ULK4: variants seen among roughly 807,000 people sequenced by gnomAD.
The protein encoded by ULK4 is inactive serine/threonine-protein kinase ULK4.
In ULK4, 133 loss-of-function variants were observed where a neutral mutation model predicts 160.6. The ratio of observed to expected loss-of-function variants is 0.83; its 90% CI spans 0.72 to 0.96. ULK4 has a LOEUF of 0.96. Ranked by LOEUF, ULK4 falls within the 40% of genes least tolerant of loss-of-function variation. The probability of loss-of-function intolerance (pLI) is 0.00; values close to 1 mark genes in which losing one functional copy is unlikely to be tolerated. For synonymous variants in ULK4, 534 were observed against 539.8 expected, an observed-to-expected ratio of 0.99 and a Z score of 0.15; for missense variants, 1,580 against 1,499.5, an observed-to-expected ratio of 1.05 and a Z score of -0.89.
chr3:41,781,506 A>G (rs1362550420), intron 21 of ULK4, among the ~76,000 whole-genome samples: 2 of 152,102 alleles, frequency 1.3e-5, no homozygotes, highest in African/African-American at 2.4e-5. Context: ...CTTTGTGAAT[A>G]TATTTACTTT....
At chr3:41,851,578 G>C (rs976432502) in intron 17 of ULK4, among the ~76,000 whole-genome samples, 20 of 152,142 alleles carry the variant, frequency 1.3e-4, no homozygotes, top group Non-Finnish European at 2.1e-4. Context: ...GTATCAGGAT[G>C]ATGCTGGCCT....
chr3:41,562,055 G>A (rs894854261), intron 32 of ULK4, among the ~76,000 whole-genome samples: 31 of 152,154 alleles, frequency 2.0e-4, no homozygotes, highest in Admixed American at 1.6e-3. Context: ...ATTCTGGTAC[G>A]TTGTGTCTTT....
chr3:41,939,230 G>A (rs951935335), intron 2 of ULK4, among the ~76,000 whole-genome samples: 2 of 150,030 alleles, frequency 1.3e-5, no homozygotes, highest in African/African-American at 2.5e-5. Context: ...GTGCAATCTC[G>A]GCTCACTGCA....
intron 34 of ULK4, among the ~76,000 whole-genome samples, chr3:41,419,749 C>T (rs2082616648): frequency 1.3e-5 from 2 of 152,050 alleles, no homozygotes; most frequent in South Asian, 2.1e-4. Context: ...TGCTGGGCTG[C>T]TTGTTCTCTG....
intron 19 of ULK4, among the ~76,000 whole-genome samples, chr3:41,810,623 C>T (rs751315021): frequency 5.3e-5 from 8 of 151,822 alleles, no homozygotes; most frequent in Admixed American, 4.6e-4. Flanking sequence ...AAGACAAGCC[C>T]GGGCAACTTA....
intron 27 of ULK4, among the ~76,000 whole-genome samples, chr3:41,686,605 A>T (rs1331323350): frequency 6.6e-6 from 1 of 152,226 alleles, no homozygotes; most frequent in Admixed American, 6.5e-5. Context: ...ATAAGAAAAT[A>T]ACTTGAAATT....
At chr3:41,850,950 T>C (rs1284182258) in intron 17 of ULK4, among the ~76,000 whole-genome samples, 4 of 152,226 alleles carry the variant, frequency 2.6e-5, no homozygotes, top group Non-Finnish European at 2.9e-5. Flanking sequence ...AGGTCTAATG[T>C]TTAAGTCTTT....
In ULK4 at chr3:41,463,103, A is replaced by T; in HGVS notation, c.3377T>A (p.Val1126Glu). 2 of 1,613,580 alleles carry T rather than the reference A, an allele frequency of 1.2e-6. No homozygotes were observed. Among genetic ancestry groups the T allele is most frequent in the African/African-American group, 2.7e-5 (2 of 75,034 alleles). Residue 1126 changes from valine to glutamate, a missense_variant, in exon 33 of 37, where the codon GTA becomes GAA. Val to Glu is a moderately radical substitution (Grantham distance 121, BLOSUM62 -2). Coordinates refer to ENST00000301831, the MANE Select transcript of ULK4 (RefSeq NM_017886.4). Reference protein sequence around the residue: ...HSMLTYTSGIVRLALQAQKSG... With the variant: ...HSMLTYTSGIERLALQAQKSG... ...ATCCTCTACCTGCAAAGCCAGCCGT[A>T]CAATACCGGAGGTATAGGTCAGCAT... is the stretch of plus-strand genomic sequence containing the variant.
chr3:41,437,508 T>C (rs2083062403), intron 34 of ULK4, among the ~76,000 whole-genome samples: 1 of 152,208 alleles, frequency 6.6e-6, no homozygotes. Context: ...TCCACCCTGC[T>C]CTGCTTTTGT....
At chr3:41,322,209 T>C (rs2080260181) in intron 35 of ULK4, among the ~76,000 whole-genome samples, 1 of 142,666 alleles carries the variant, frequency 7.0e-6, no homozygotes, top group Admixed American at 7.1e-5. Flanking sequence ...TTTTTGTAAT[T>C]TTAGTAGAGA....
rs367710196 is a variant in ULK4 at position 41,493,467 on chromosome 3, G to A, written c.3227-30214C>T. The stretch of plus-strand genomic sequence containing the variant: ...AATTTATAGCACTAAATGCCCACAA[G>A]AGAAAGCAAGAAAGATCCAAAATTG... On this transcript the variant is annotated intron_variant, in intron 32 of 36. Transcript: ENST00000301831. Among the ~76,000 whole-genome samples the A allele has an allele frequency of 5.3e-3, 677 of 128,522 alleles. 43 individuals are homozygous for A. Among genetic ancestry groups the A allele is most frequent in the Non-Finnish European group, 9.2e-3 (530 of 57,762 alleles). 84.3% of individuals were successfully genotyped at this position (128,522 alleles called of 152,430 possible). A position where few individuals can be genotyped will look rare whatever the true frequency, so the allele number is the denominator to read the frequency against.
intron 31 of ULK4, among the ~76,000 whole-genome samples, chr3:41,577,523 T>C (rs2088232554): frequency 6.6e-6 from 1 of 152,146 alleles, no homozygotes; most frequent in African/African-American, 2.4e-5. Flanking sequence ...CAATTATTAT[T>C]GACTATACTC....
At chr3:41,278,017 C>G (rs888802768) in intron 35 of ULK4, 2 of 152,268 alleles carry the variant, frequency 1.3e-5, no homozygotes, top group African/African-American at 4.8e-5. Context: ...CACAAGGGGT[C>G]GGGGGATTTC....
intron 21 of ULK4, among the ~76,000 whole-genome samples, chr3:41,769,880 A>C (rs898544743): frequency 2.0e-5 from 3 of 152,222 alleles, no homozygotes; most frequent in African/African-American, 7.2e-5. Context: ...AAAGCTAAAA[A>C]TCAATATGTA....
At chr3:41,300,376 AG>A (rs987133650) in intron 35 of ULK4, among the ~76,000 whole-genome samples, 7 of 152,206 alleles carry the variant, frequency 4.6e-5, no homozygotes, top group Non-Finnish European at 2.9e-5. Context: ...CAAGTTTTAG[AG>A]GAAGAACTCT....
At chr3:41,733,002 A>G (rs561968242) in intron 22 of ULK4, among the ~76,000 whole-genome samples, 2 of 152,170 alleles carry the variant, frequency 1.3e-5, no homozygotes, top group Non-Finnish European at 2.9e-5. Flanking sequence ...ACAAAATTAC[A>G]GTTCGATAGG....
intron 32 of ULK4, among the ~76,000 whole-genome samples, chr3:41,527,085 AAAG>A (rs2086145120): frequency 6.6e-6 from 1 of 152,234 alleles, no homozygotes; most frequent in Non-Finnish European, 1.5e-5. Context: ...TGAACTTTGT[AAAG>A]AAGACTTAAG....
At chr3:41,899,228 C>G (rs966045863) in intron 13 of ULK4, 1 of 152,222 alleles carries the variant, frequency 6.6e-6, no homozygotes, top group Non-Finnish European at 1.5e-5. Context: ...AAAGGAGGAA[C>G]AGATAGGGAT....
chr3:41,610,818 A>G (rs141660738), intron 31 of ULK4, among the ~76,000 whole-genome samples: 217 of 152,338 alleles, frequency 1.4e-3, no homozygotes, highest in African/African-American at 4.9e-3. Context: ...ATATTTTGGC[A>G]CATATTGGAA....
Sources: gnomAD v4.1 joint callset for allele counts (sites outside exome capture counted in the v4.1 genomes callset) on GRCh38, gnomAD v4.1.1 for gene constraint, MANE v1.5 for transcripts, NCBI Gene and HGNC (gene_info 2026-07-23, HGNC 2026-07-21) for gene names.